Variants in EPC1 observed in about 807,000 individuals in gnomAD.
The protein encoded by EPC1 is enhancer of polycomb 1, also known as enhancer of polycomb homolog 1.
EPC1 carries 12 observed loss-of-function variants against 98.4 expected under a neutral mutation model. That is an observed-to-expected ratio of 0.12 (90% CI 0.08 to 0.20). EPC1 has a LOEUF of 0.20. Among genes scored for constraint, EPC1 ranks in the 10% least tolerant of loss-of-function variants. The pLI, the probability that EPC1 is intolerant of heterozygous loss-of-function variation, is 1.00. For synonymous variants in EPC1, 357 were observed against 363.9 expected (o/e 0.98, Z 0.21); for missense variants, 729 against 990.5 (o/e 0.74, Z 3.54).
At chr10:32,297,676 G>T (rs898995243) in intron 2 of EPC1, among the ~76,000 whole-genome samples, 2 of 151,940 alleles carry the variant, frequency 1.3e-5, no homozygotes, top group Non-Finnish European at 2.9e-5. Flanking sequence ...GATGCATACA[G>T]GTAAACAGAA....
intron 1 of EPC1, among the ~76,000 whole-genome samples, chr10:32,365,541 C>T (rs968363267): frequency 6.6e-6 from 1 of 151,908 alleles, no homozygotes; most frequent in African/African-American, 2.4e-5. Context: ...AGGCCGGGGA[C>T]GTGGTTCATG....
chr10:32,290,505 A>AGAAAG (rs1339569393), intron 6 of EPC1, among the ~76,000 whole-genome samples: 36 of 77,522 alleles, frequency 4.6e-4, no homozygotes, highest in African/African-American at 1.3e-3. Context: ...AAAAAAAAAA[A>AGAAAG]AAAGAAAGAA....
In EPC1 at chr10:32,268,931, G is replaced by A; in HGVS notation, c.*132C>T. 1.0e-5 allele frequency: 7 copies of A among 688,706 alleles called. No homozygotes were observed. Among genetic ancestry groups the A allele is most frequent in the Non-Finnish European group, 1.7e-5 (7 of 400,806 alleles). 42.7% of individuals were successfully genotyped at this position (688,706 alleles called of 1,614,324 possible). ...AAAGAAAAATTGAAGCATGAGAGAT[G>A]AGCATTGCTGTCAAGTCCCCACAGC... On this transcript the variant is annotated 3_prime_UTR_variant, in exon 14 of 14. Transcript: ENST00000319778.
intron 1 of EPC1, among the ~76,000 whole-genome samples, chr10:32,332,301 G>A (rs950505770): frequency 6.6e-6 from 1 of 152,172 alleles, no homozygotes; most frequent in African/African-American, 2.4e-5. Flanking sequence ...AGAAGTAAGA[G>A]ACAGCATGGC....
chr10:32,276,541 G>T (rs1020409910), intron 10 of EPC1, among the ~76,000 whole-genome samples: 1 of 152,148 alleles, frequency 6.6e-6, no homozygotes, highest in African/African-American at 2.4e-5. Flanking sequence ...AATAAAATGA[G>T]AATGAGATTA....
rs903854727 is a variant in EPC1 at position 32,271,906 on chromosome 10, C to T, written c.2017G>A (p.Gly673Ser). The change falls in exon 13 of 14, where the codon GGC (glycine) becomes AGC (serine). Residue 673 changes from glycine to serine, a missense_variant. Coordinates refer to ENST00000319778, the MANE Select transcript of EPC1 (RefSeq NM_001272004.3). ...GGTGTAGTACTACTGAGGTGTAAGC[C>T]CTTGTATACTCCTAGAGAGAAAAAG... ...GVLPASGVYK[G>S]LHLSSTTPTA... The T allele has an allele frequency of 1.9e-6, 3 of 1,613,000 alleles. No individual in the cohort carries two copies. In the African/African-American group the frequency reaches 4.0e-5, roughly 22 times the overall value.
At chr10:32,323,226 C>G (rs933884050) in intron 1 of EPC1, among the ~76,000 whole-genome samples, 2 of 151,996 alleles carry the variant, frequency 1.3e-5, no homozygotes, top group Non-Finnish European at 2.9e-5. Context: ...TCCTTTTCAC[C>G]GAGTCCCTAA....
intron 10 of EPC1, among the ~76,000 whole-genome samples, chr10:32,279,126 G>A (rs563315805): frequency 1.1e-4 from 16 of 152,092 alleles, no homozygotes; most frequent in South Asian, 2.1e-4. Context: ...TGAGGCAGGC[G>A]GATCACAAGG....
chr10:32,275,939 A>T (rs1259960628), intron 10 of EPC1, among the ~76,000 whole-genome samples: 7 of 103,604 alleles, frequency 6.8e-5, no homozygotes, highest in Non-Finnish European at 1.5e-4. Context: ...TCCGTCTCAT[A>T]AAAAAAAAAA....
chr10:32,280,882 A>G (rs1377647937), intron 10 of EPC1, among the ~76,000 whole-genome samples: 1 of 152,242 alleles, frequency 6.6e-6, no homozygotes, highest in Non-Finnish European at 1.5e-5. Flanking sequence ...CAACTTGGGC[A>G]TCTCTAATAT....
chr10:32,371,802 C>A (rs1564570476), intron 1 of EPC1, among the ~76,000 whole-genome samples: 1 of 152,022 alleles, frequency 6.6e-6, no homozygotes, highest in Non-Finnish European at 1.5e-5. Context: ...CTCGGGGAGG[C>A]TGAGGCAGGA....
chr10:32,325,404 A>C (rs1397822767), intron 1 of EPC1, among the ~76,000 whole-genome samples: 1 of 152,234 alleles, frequency 6.6e-6, no homozygotes, highest in East Asian at 1.9e-4. Flanking sequence ...ATGTTAAATA[A>C]ATCTGGTTTC....
At chr10:32,368,300 A>C (rs1839656928) in intron 1 of EPC1, among the ~76,000 whole-genome samples, 1 of 152,092 alleles carries the variant, frequency 6.6e-6, no homozygotes, top group Non-Finnish European at 1.5e-5. Context: ...AGTCCAAGCT[A>C]CTCTCATGGA....
intron 10 of EPC1, among the ~76,000 whole-genome samples, chr10:32,280,512 G>A (rs889098863): frequency 4.6e-5 from 7 of 151,412 alleles, no homozygotes; most frequent in Admixed American, 1.3e-4. Context: ...AGGCCGAAAC[G>A]GGTGGATCAC....
chr10:32,318,168 T>C (rs980746099), intron 1 of EPC1, among the ~76,000 whole-genome samples: 12 of 152,290 alleles, frequency 7.9e-5, no homozygotes, highest in African/African-American at 2.9e-4. Context: ...AAAGCCGCAA[T>C]CTAATTGAAT....
chr10:32,306,059 G>A, intron 1 of EPC1, 128 bp from the exon 2 acceptor site: 1 of 812,340 alleles, frequency 1.2e-6, no homozygotes, highest in Non-Finnish European at 1.8e-6. Flanking sequence ...GATCTTAAAA[G>A]CATGTTGTTA....
intron 13 of EPC1, among the ~76,000 whole-genome samples, chr10:32,270,538 C>T (rs902849148): frequency 2.0e-5 from 3 of 152,018 alleles, no homozygotes; most frequent in African/African-American, 7.2e-5. Flanking sequence ...ATAAGAATAG[C>T]TTAACGCCGG....
chr10:32,320,142 C>A (rs1836808547), intron 1 of EPC1, among the ~76,000 whole-genome samples: 1 of 151,468 alleles, frequency 6.6e-6, no homozygotes, highest in Non-Finnish European at 1.5e-5. Context: ...ACTTACTACT[C>A]CCCTTCTTGC....
chr10:32,366,613 T>A (rs1592641488), intron 1 of EPC1, among the ~76,000 whole-genome samples: 1 of 24,166 alleles, frequency 4.1e-5, no homozygotes, highest in Non-Finnish European at 1.2e-4. Context: ...CTGCCATCAA[T>A]TTTTTTTGGC....
Sources: allele counts gnomAD v4.1 joint callset (sites outside exome capture counted in the v4.1 genomes callset), GRCh38; gene constraint gnomAD v4.1.1; transcripts MANE v1.5; gene names NCBI Gene and HGNC (gene_info 2026-07-23, HGNC 2026-07-21).